Variants in YAP1 observed in about 807,000 individuals in gnomAD.
The protein encoded by YAP1 is transcriptional coactivator YAP1.
A neutral mutation model predicts 56.9 loss-of-function variants in YAP1; 5 were observed. That is an observed-to-expected ratio of 0.09 (90% CI 0.05 to 0.18). The LOEUF is 0.18. Ranked by LOEUF, YAP1 falls within the 10% of genes least tolerant of loss-of-function variation. The pLI, the probability that YAP1 is intolerant of heterozygous loss-of-function variation, is 1.00. For synonymous variants in YAP1, 265 were observed against 248.1 expected (o/e 1.07, Z -0.64); for missense variants, 539 against 651.8 (o/e 0.83, Z 1.88).
intron 2 of YAP1, among the ~76,000 whole-genome samples, chr11:102,127,848 A>G (rs1944125555): frequency 6.6e-6 from 1 of 152,196 alleles, no homozygotes; most frequent in African/African-American, 2.4e-5. Flanking sequence ...ATGGGAATCC[A>G]TCTCTTGTAT....
chr11:102,193,500 G>A (rs1280029607), intron 4 of YAP1, among the ~76,000 whole-genome samples: 1 of 152,132 alleles, frequency 6.6e-6, no homozygotes, highest in East Asian at 1.9e-4. Context: ...ATCCAGTAAG[G>A]TAGTTCCAAA....
At chr11:102,214,954 T>G (rs372217143) in intron 6 of YAP1, among the ~76,000 whole-genome samples, 1 of 152,206 alleles carries the variant, frequency 6.6e-6, no homozygotes, top group South Asian at 2.1e-4. Flanking sequence ...AAGATTATCA[T>G]CTAGTTCTCA....
intron 2 of YAP1, among the ~76,000 whole-genome samples, chr11:102,150,849 G>A (rs1591241670): frequency 8.1e-6 from 1 of 123,840 alleles, no homozygotes; most frequent in South Asian, 2.8e-4. Context: ...CACTCATACT[G>A]GAGTGCATTG....
At chr11:102,194,246 G>C (rs1203163297) in intron 4 of YAP1, among the ~76,000 whole-genome samples, 1 of 152,214 alleles carries the variant, frequency 6.6e-6, no homozygotes, top group Non-Finnish European at 1.5e-5. Context: ...AGATTCAGAT[G>C]TAAGAAAAAG....
chr11:102,111,663 A>T (rs371207397), intron 1 of YAP1, among the ~76,000 whole-genome samples: 88 of 151,848 alleles, frequency 5.8e-4, no homozygotes, highest in African/African-American at 2.1e-3. Flanking sequence ...GCGGCGGCCG[A>T]GTTTGTGAAG....
chr11:102,113,010 TTAAC>T (rs150786746), intron 1 of YAP1, among the ~76,000 whole-genome samples: 4,005 of 152,282 alleles, frequency 0.026, 168 homozygotes, highest in African/African-American at 0.091. Flanking sequence ...AAATAAGTTT[TTAAC>T]TAAGTGTTTT....
intron 3 of YAP1, among the ~76,000 whole-genome samples, chr11:102,176,420 G>C (rs1947251203): frequency 6.6e-6 from 1 of 152,056 alleles, no homozygotes; most frequent in Non-Finnish European, 1.5e-5. Flanking sequence ...GGGACAGATT[G>C]GAGAAAAGCT....
chr11:102,168,039 G>A (rs571832640), intron 3 of YAP1, among the ~76,000 whole-genome samples: 2 of 151,722 alleles, frequency 1.3e-5, no homozygotes, highest in South Asian at 4.2e-4. Context: ...GTGAGACCCT[G>A]TCTCAAAAAA....
chr11:102,160,690 A>G (rs1022223354), intron 2 of YAP1, among the ~76,000 whole-genome samples: 1 of 452 alleles, frequency 2.2e-3, no homozygotes, highest in Non-Finnish European at 6.9e-3. Flanking sequence ...GTAATGCCAC[A>G]TAACTGGAAT....
intron 1 of YAP1, among the ~76,000 whole-genome samples, chr11:102,113,741 A>G (rs917612473): frequency 1.3e-5 from 2 of 152,168 alleles, no homozygotes; most frequent in African/African-American, 4.8e-5. Context: ...AAAAATACAT[A>G]TTCTTTGTGT....
intron 2 of YAP1, among the ~76,000 whole-genome samples, chr11:102,124,041 T>A (rs898469886): frequency 6.7e-6 from 1 of 150,232 alleles, no homozygotes; most frequent in Non-Finnish European, 1.5e-5. Flanking sequence ...AATCTCTGGC[T>A]CCCGGGTTCA....
intron 2 of YAP1, among the ~76,000 whole-genome samples, chr11:102,160,224 T>C (rs1452988456): frequency 6.6e-6 from 1 of 151,864 alleles, no homozygotes; most frequent in East Asian, 1.9e-4. Context: ...GGTTCTTCCA[T>C]GTTGGTCAGG....
chr11:102,192,400 G>C (rs1018642249), intron 4 of YAP1, among the ~76,000 whole-genome samples: 5 of 152,144 alleles, frequency 3.3e-5, no homozygotes, highest in Non-Finnish European at 7.3e-5. Context: ...TCATTGCTCT[G>C]ACCTGTCATT....
At position 102,230,658 on chromosome 11, in the gene YAP1, GTTTTTTGTT is replaced by G. The variant is rs1277819823; in HGVS notation, c.*731_*739del. 6.6e-6 allele frequency: 1 copy of G among 152,320 alleles called. No individual in the cohort carries two copies. Among genetic ancestry groups the G allele is most frequent in the Non-Finnish European group, 1.5e-5 (1 of 67,958 alleles). The allele number at this position is 152,320 out of a possible 1,614,324, so 9.4% of individuals were successfully genotyped here. A position where few individuals can be genotyped will look rare whatever the true frequency, so the allele number is the denominator to read the frequency against. The stretch of plus-strand genomic sequence containing the variant: ...TGTGCATTTTGTTCTGTTTTGTTGG[GTTTTTTGTT>G]TTTTTTGTTTTTGGCAGGGTCGGTG... On this transcript the variant is annotated 3_prime_UTR_variant, in exon 9 of 9. Transcript: ENST00000282441.
At chr11:102,156,886 A>G (rs903353877) in intron 2 of YAP1, among the ~76,000 whole-genome samples, 3 of 152,212 alleles carry the variant, frequency 2.0e-5, no homozygotes, top group African/African-American at 7.2e-5. Context: ...TGTATTATAT[A>G]TAAACATGTC....
intron 6 of YAP1, among the ~76,000 whole-genome samples, chr11:102,223,307 C>T (rs1254010367): frequency 6.7e-6 from 1 of 148,558 alleles, no homozygotes; most frequent in African/African-American, 2.5e-5. Flanking sequence ...ACTTGCCATT[C>T]TATAATAACC....
intron 2 of YAP1, among the ~76,000 whole-genome samples, chr11:102,118,509 G>A (rs1591116672): frequency 7.0e-6 from 1 of 143,804 alleles, no homozygotes; most frequent in Non-Finnish European, 1.5e-5. Flanking sequence ...TGTTGACCAG[G>A]CTGGAGTGCA....
chr11:102,127,799 G>A (rs1203797093), intron 2 of YAP1, among the ~76,000 whole-genome samples: 1 of 152,218 alleles, frequency 6.6e-6, no homozygotes, highest in African/African-American at 2.4e-5. Context: ...AAGGGAGGCT[G>A]TACCCTGTAA....
rs527979409 is a variant in YAP1, at chr11:102,203,153, C to T, written c.803-2740C>T. 1.2e-4 allele frequency among the ~76,000 whole-genome samples: 19 copies of T among 152,286 alleles called. No homozygotes were observed. In the East Asian group the frequency reaches 1.3e-3, roughly 11 times the overall value. On this transcript the variant is annotated intron_variant, in intron 4 of 8. Coordinates refer to ENST00000282441, the MANE Select transcript of YAP1 (RefSeq NM_001130145.3). Reference sequence around the variant, plus strand: ...CAAAACACAGATTGCTGGCTTCATCCCGTAGTTTCTCATTCATTAGCCCTG... The same window carrying T: ...CAAAACACAGATTGCTGGCTTCATCTCGTAGTTTCTCATTCATTAGCCCTG...
Sources: allele counts gnomAD v4.1 joint callset (sites outside exome capture counted in the v4.1 genomes callset), GRCh38; gene constraint gnomAD v4.1.1; transcripts MANE v1.5; gene names NCBI Gene and HGNC (gene_info 2026-07-23, HGNC 2026-07-21).